The following CDC123 variants were observed in gnomAD, a reference collection of about 807,000 sequenced individuals.
CDC123 encodes cell division cycle 123.
A neutral mutation model predicts 54.4 loss-of-function variants in CDC123; 37 were observed. The ratio of observed to expected loss-of-function variants is 0.68; its 90% CI spans 0.52 to 0.89. The LOEUF (loss-of-function observed/expected upper bound fraction) is 0.89, where lower values mean the gene tolerates loss of function less well. Ranked by LOEUF, CDC123 falls within the 40% of genes least tolerant of loss-of-function variation. The pLI, the probability that CDC123 is intolerant of heterozygous loss-of-function variation, is 0.00. For synonymous variants in CDC123, 144 were observed against 136.8 expected, an observed-to-expected ratio of 1.05 and a Z score of -0.37; for missense variants, 361 against 412.1, an observed-to-expected ratio of 0.88 and a Z score of 1.07.
chr10:12,250,396 T>A lies in CDC123; in HGVS notation c.*59T>A, dbSNP rs1370825146. ...GCCCCACCGCTCCGGGAGCTGCTCA[T>A]CAGCCGCAACTTCCTGCCGACCCTG... On this transcript the variant is annotated 3_prime_UTR_variant, in exon 13 of 13. Coordinates refer to ENST00000281141, the MANE Select transcript of CDC123 (RefSeq NM_006023.3). 7.3e-7 allele frequency: 1 copy of A among 1,368,372 alleles called. No individual in the cohort carries two copies. The highest frequency in any genetic ancestry group is 1.0e-6 in the Non-Finnish European group (1 of 957,048). 84.8% of individuals were successfully genotyped at this position (1,368,372 alleles called of 1,614,324 possible). A position where few individuals can be genotyped will look rare whatever the true frequency, so the allele number is the denominator to read the frequency against.
In CDC123 at chr10:12,217,470, A is replaced by G; in HGVS notation, c.440+3A>G. 6.2e-7 allele frequency: 1 copy of G among 1,612,952 alleles called. No individual in the cohort carries two copies. On this transcript the variant is annotated splice_donor_region_variant and intron_variant, in intron 6 of 12. Transcript: ENST00000281141. ...ATCACTCGTGACTTCACTCAGCCGT[A>G]AGTATCTCTTATTCTCTCATGTCAA...
At chr10:12,211,460 C>T (rs1835599883) in intron 4 of CDC123, among the ~76,000 whole-genome samples, 1 of 152,174 alleles carries the variant, frequency 6.6e-6, no homozygotes, top group Non-Finnish European at 1.5e-5. Flanking sequence ...AAAAGGGAAG[C>T]CTGCCAGCAG....
rs779308094 is a variant in CDC123, at chr10:12,235,066, T to C, written c.508T>C (p.Cys170Arg). 5 of 1,613,804 alleles carry C rather than the reference T, an allele frequency of 3.1e-6. No homozygotes were observed. Among genetic ancestry groups the C allele is most frequent in the Non-Finnish European group, 4.2e-6 (5 of 1,179,732 alleles). Residue 170 changes from cysteine to arginine, a missense_variant, in exon 8 of 13, where the codon TGT becomes CGT. Cys to Arg is a radical substitution (Grantham distance 180, BLOSUM62 -3). Coordinates refer to ENST00000281141, the MANE Select transcript of CDC123 (RefSeq NM_006023.3). ...IEYELVLRKW[C>R]ELIPGAEFRC... The stretch of plus-strand genomic sequence containing the variant: ...TTTACAGCTCGTTCTCCGAAAATGG[T>C]GTGAATTGATTCCTGGGGCTGAGTT...
At chr10:12,234,902 T>C (rs942717976) in intron 7 of CDC123, 146 bp from the exon 8 acceptor site, 3 of 586,954 alleles carry the variant, frequency 5.1e-6, no homozygotes, top group Non-Finnish European at 6.0e-6. Context: ...GCATGTGCCA[T>C]CATGCCCGGC....
chr10:12,240,435 T>C (rs916012367), intron 10 of CDC123, among the ~76,000 whole-genome samples: 1 of 152,256 alleles, frequency 6.6e-6, no homozygotes, highest in Non-Finnish European at 1.5e-5. Context: ...CATCTTCGAA[T>C]CATCTTTGGA....
At chr10:12,233,085 A>T (rs1000724269) in intron 7 of CDC123, among the ~76,000 whole-genome samples, 4 of 152,102 alleles carry the variant, frequency 2.6e-5, no homozygotes, top group Admixed American at 1.3e-4. Flanking sequence ...AGAAGTCATC[A>T]TCTACCTCCA....
At chr10:12,221,214 A>C (rs940852956) in intron 6 of CDC123, among the ~76,000 whole-genome samples, 6 of 152,118 alleles carry the variant, frequency 3.9e-5, no homozygotes, top group Non-Finnish European at 1.5e-5. Flanking sequence ...TTTAAAAAAT[A>C]CATTATTTAA....
At chr10:12,217,069 C>A (rs1835673504) in intron 5 of CDC123, among the ~76,000 whole-genome samples, 1 of 152,114 alleles carries the variant, frequency 6.6e-6, no homozygotes, top group Non-Finnish European at 1.5e-5. Context: ...GTTTCTGATA[C>A]CTCATTTTCT....
intron 8 of CDC123, among the ~76,000 whole-genome samples, chr10:12,235,968 T>G (rs1835972144): frequency 6.6e-6 from 1 of 152,190 alleles, no homozygotes; most frequent in Admixed American, 6.5e-5. Context: ...CCAGTTAGTG[T>G]GTTTGGAATC....
At chr10:12,223,098 A>G (rs1334553360) in intron 6 of CDC123, among the ~76,000 whole-genome samples, 1 of 150,634 alleles carries the variant, frequency 6.6e-6, no homozygotes, top group Non-Finnish European at 1.5e-5. Flanking sequence ...GTTTCACCGT[A>G]TTAGCCAGGA....
In CDC123 at chr10:12,231,006, T is replaced by G; in HGVS notation, c.489+10T>G. 3.1e-6 allele frequency: 5 copies of G among 1,593,532 alleles called. No individual in the cohort carries two copies. Among genetic ancestry groups the G allele is most frequent in the Non-Finnish European group, 4.3e-6 (5 of 1,166,044 alleles). On this transcript the variant is annotated intron_variant, in intron 7 of 12. Coordinates refer to ENST00000281141, the MANE Select transcript of CDC123 (RefSeq NM_006023.3). Reference sequence around the variant, plus strand: ...ATGTATAGAATATGAGGTAAGAAGCTTATTTTCTTTGATAATTGTAGATGA... The same window carrying G: ...ATGTATAGAATATGAGGTAAGAAGCGTATTTTCTTTGATAATTGTAGATGA...
At chr10:12,197,598 C>T (rs1474637776) in intron 1 of CDC123, among the ~76,000 whole-genome samples, 1 of 151,550 alleles carries the variant, frequency 6.6e-6, no homozygotes, top group African/African-American at 2.4e-5. Context: ...AGGATGGTCT[C>T]GATTGCCTGA....
At chr10:12,210,188 T>A (rs1281297783) in intron 3 of CDC123, 102 bp from the exon 4 acceptor site, 1 of 1,480,066 alleles carries the variant, frequency 6.8e-7, no homozygotes, top group Non-Finnish European at 9.2e-7. Flanking sequence ...CCGGAAAAGA[T>A]GTCTCCTGTT....
At chr10:12,213,789 T>C (rs924641430) in intron 4 of CDC123, among the ~76,000 whole-genome samples, 4 of 152,190 alleles carry the variant, frequency 2.6e-5, no homozygotes, top group Non-Finnish European at 5.9e-5. Context: ...AAAGAAAAGA[T>C]ATATTTTTAG....
intron 4 of CDC123, 34 bp from the exon 5 acceptor site, chr10:12,215,706 T>C (rs751661332): frequency 6.9e-6 from 9 of 1,308,290 alleles, no homozygotes; most frequent in East Asian, 2.3e-5. Flanking sequence ...TGTGATGATA[T>C]TGACGTGCCC....
At chr10:12,241,497 T>A (rs1052983932) in intron 10 of CDC123, among the ~76,000 whole-genome samples, 1 of 152,166 alleles carries the variant, frequency 6.6e-6, no homozygotes, top group Non-Finnish European at 1.5e-5. Context: ...GCGATATGGA[T>A]CCCCCTTAGT....
chr10:12,250,156 T>G, intron 12 of CDC123, 155 bp from the exon 13 acceptor site: 1 of 510,506 alleles, frequency 2.0e-6, no homozygotes, highest in Non-Finnish European at 3.5e-6. Flanking sequence ...TGCTCAGGAG[T>G]CAAAGTGATA....
chr10:12,200,119 CATTTTTTTTTT>C (rs1446405807), intron 2 of CDC123, among the ~76,000 whole-genome samples: 1 of 24,272 alleles, frequency 4.1e-5, no homozygotes, highest in African/African-American at 1.1e-4. Context: ...CCGCACTCGG[CATTTTTTTTTT>C]TTTTTTTTTT....
intron 10 of CDC123, among the ~76,000 whole-genome samples, chr10:12,238,947 G>A (rs1000427151): frequency 1.1e-4 from 17 of 151,924 alleles, no homozygotes; most frequent in African/African-American, 3.9e-4. Flanking sequence ...CGGAGATCAC[G>A]CCATTGTGCT....
Sources: allele counts gnomAD v4.1 joint callset (sites outside exome capture counted in the v4.1 genomes callset), GRCh38; gene constraint gnomAD v4.1.1; transcripts MANE v1.5; gene names NCBI Gene and HGNC (gene_info 2026-07-23, HGNC 2026-07-21).